GXYLT2: variants seen among roughly 807,000 people sequenced by gnomAD.
GXYLT2 encodes the protein glucoside xylosyltransferase 2.
GXYLT2 carries 53 observed loss-of-function variants against 45.8 expected under a neutral mutation model. The observed-to-expected ratio is 1.16, with a 90% CI of 0.93 to 1.46. The LOEUF (loss-of-function observed/expected upper bound fraction) is 1.46. Among genes scored for constraint, GXYLT2 ranks in the 40% most tolerant of loss-of-function variants. The pLI is 0.00. For synonymous variants in GXYLT2, 219 were observed against 214.2 expected (o/e 1.02, Z -0.19); for missense variants, 551 against 544.4 (o/e 1.01, Z -0.12).
chr3:72,915,878 A>G (rs1709731928), intron 2 of GXYLT2, among the ~76,000 whole-genome samples: 1 of 151,838 alleles, frequency 6.6e-6, no homozygotes, highest in Admixed American at 6.6e-5. Flanking sequence ...TAGAGGAACA[A>G]GCTGAGGCTG....
chr3:72,900,630 CTG>C (rs1237861312), intron 1 of GXYLT2, among the ~76,000 whole-genome samples: 1 of 151,374 alleles, frequency 6.6e-6, no homozygotes, highest in Non-Finnish European at 1.5e-5. Context: ...GTTGGCCAGT[CTG>C]GTCTCAAACT....
rs997339625 is a variant in GXYLT2, at chr3:72,955,144, T to G, written c.647T>G (p.Val216Gly). The G allele has an allele frequency of 6.2e-7, 1 of 1,613,938 alleles. No individual in the cohort carries two copies. The highest frequency in any genetic ancestry group is 8.5e-7 in the Non-Finnish European group (1 of 1,179,898). Reference sequence around the variant, plus strand: ...TCACTTCTCTACGTGGACACCGATGTCCTCTTTCTGAGACCTGTTGATGAC... The same window carrying G: ...TCACTTCTCTACGTGGACACCGATGGCCTCTTTCTGAGACCTGTTGATGAC... ...VDSLLYVDTD[V>G]LFLRPVDDIW... is the part of the protein sequence containing the mutation. The change falls in exon 4 of 7, where the codon GTC becomes GGC. Residue 216 changes from valine (V) to glycine (G), a missense_variant. Val to Gly is a moderately radical substitution (Grantham distance 109). Coordinates refer to ENST00000389617, the MANE Select transcript of GXYLT2 (RefSeq NM_001080393.2).
intron 1 of GXYLT2, among the ~76,000 whole-genome samples, chr3:72,902,905 C>T (rs1037886301): frequency 2.6e-5 from 4 of 152,008 alleles, no homozygotes; most frequent in Admixed American, 2.0e-4. Context: ...CCCAGCTACT[C>T]GGGAGGCTGA....
intron 3 of GXYLT2, among the ~76,000 whole-genome samples, chr3:72,953,455 A>C (rs1710564564): frequency 6.6e-6 from 1 of 151,948 alleles, no homozygotes; most frequent in Non-Finnish European, 1.5e-5. Flanking sequence ...ATGCCTGGCT[A>C]ATTTTTCTAT....
chr3:72,928,612 G>T (rs1709962057), intron 3 of GXYLT2, among the ~76,000 whole-genome samples: 2 of 152,138 alleles, frequency 1.3e-5, no homozygotes, highest in Admixed American at 1.3e-4. Flanking sequence ...AGAACAGCAA[G>T]CTAAACCATA....
intron 1 of GXYLT2, among the ~76,000 whole-genome samples, chr3:72,894,548 G>A (rs1182409579): frequency 6.6e-6 from 1 of 152,308 alleles, no homozygotes; most frequent in East Asian, 1.9e-4. Flanking sequence ...GATAGCAATA[G>A]CTTGAGCATA....
At chr3:72,909,625 G>T (rs1401866976) in intron 2 of GXYLT2, among the ~76,000 whole-genome samples, 1 of 152,014 alleles carries the variant, frequency 6.6e-6, no homozygotes, top group African/African-American at 2.4e-5. Flanking sequence ...ATGGGGCTGG[G>T]TCCTCATTTA....
At chr3:72,918,756 A>C (rs997236290) in intron 2 of GXYLT2, among the ~76,000 whole-genome samples, 1 of 152,038 alleles carries the variant, frequency 6.6e-6, no homozygotes, top group Non-Finnish European at 1.5e-5. Context: ...TGAACCCGGG[A>C]GGCAGAGAGT....
intron 3 of GXYLT2, among the ~76,000 whole-genome samples, chr3:72,933,391 T>G (rs746466798): frequency 6.6e-6 from 1 of 152,226 alleles, no homozygotes; most frequent in Non-Finnish European, 1.5e-5. Flanking sequence ...TAAATGCTAA[T>G]AGATGCAATA....
intron 5 of GXYLT2, among the ~76,000 whole-genome samples, chr3:72,964,326 T>TC (rs1710821060): frequency 6.6e-6 from 1 of 151,986 alleles, no homozygotes; most frequent in African/African-American, 2.4e-5. Context: ...TCTTTTTTTT[T>TC]CTTTTCTTTT....
intron 5 of GXYLT2, among the ~76,000 whole-genome samples, chr3:72,963,969 C>G (rs1313897689): frequency 4.6e-5 from 7 of 151,918 alleles, no homozygotes; most frequent in Non-Finnish European, 8.8e-5. Context: ...GCCACCATAC[C>G]CGGACAAATT....
At chr3:72,963,669 ATT>A (rs34028884) in intron 5 of GXYLT2, among the ~76,000 whole-genome samples, 20 of 123,354 alleles carry the variant, frequency 1.6e-4, no homozygotes, top group Non-Finnish European at 1.8e-4. Flanking sequence ...TGCCTAGCTA[ATT>A]TTTTTTTTTT....
intron 3 of GXYLT2, among the ~76,000 whole-genome samples, chr3:72,938,719 C>A (rs974066610): frequency 6.6e-6 from 1 of 152,166 alleles, no homozygotes; most frequent in Non-Finnish European, 1.5e-5. Flanking sequence ...CAGAACATGC[C>A]GGAGAAACCA....
chr3:72,939,777 G>C (rs1710266367), intron 3 of GXYLT2, among the ~76,000 whole-genome samples: 1 of 151,532 alleles, frequency 6.6e-6, no homozygotes, highest in Non-Finnish European at 1.5e-5. Flanking sequence ...ACCTCCCCAG[G>C]CTCAGGTGAT....
At chr3:72,911,540 G>T (rs1709622424) in intron 2 of GXYLT2, among the ~76,000 whole-genome samples, 1 of 152,110 alleles carries the variant, frequency 6.6e-6, no homozygotes, top group Admixed American at 6.6e-5. Context: ...TGGGTCTGGG[G>T]GAAGCCAGCT....
At chr3:72,906,235 CG>C (rs965455861) in intron 1 of GXYLT2, among the ~76,000 whole-genome samples, 1 of 152,094 alleles carries the variant, frequency 6.6e-6, no homozygotes, top group African/African-American at 2.4e-5. Context: ...GTCTTGCAGG[CG>C]GGGGTCCTCA....
intron 1 of GXYLT2, among the ~76,000 whole-genome samples, chr3:72,902,105 G>A (rs1320267868): frequency 6.6e-6 from 1 of 152,082 alleles, no homozygotes; most frequent in Non-Finnish European, 1.5e-5. Context: ...ATTTAAGTTG[G>A]ACTTTTTGGC....
intron 5 of GXYLT2, among the ~76,000 whole-genome samples, chr3:72,961,352 G>A (rs1037335536): frequency 6.6e-6 from 1 of 152,142 alleles, no homozygotes; most frequent in East Asian, 1.9e-4. Context: ...GGCCAGCTAA[G>A]TGAGGGCAGA....
chr3:72,920,819 T>TATATATGTA (rs1491486551), intron 2 of GXYLT2, among the ~76,000 whole-genome samples: 7 of 96,542 alleles, frequency 7.3e-5, no homozygotes, highest in African/African-American at 4.7e-4. Flanking sequence ...TATATATGTA[T>TATATATGTA]TTTTTTTTTT....
Sources: gnomAD v4.1 joint callset for allele counts (sites outside exome capture counted in the v4.1 genomes callset) on GRCh38, gnomAD v4.1.1 for gene constraint, MANE v1.5 for transcripts, NCBI Gene and HGNC (gene_info 2026-07-23, HGNC 2026-07-21) for gene names.